PCDHGA8: variants seen among roughly 807,000 people sequenced by gnomAD.
PCDHGA8 encodes the protein protocadherin gamma-A8.
PCDHGA8 carries 45 observed loss-of-function variants against 59.2 expected under a neutral mutation model. That is an observed-to-expected ratio of 0.76 (90% CI 0.60 to 0.98). The LOEUF (loss-of-function observed/expected upper bound fraction) is 0.98, where lower values mean the gene tolerates loss of function less well. PCDHGA8 is among the 50% of genes least tolerant of loss of function. The pLI is 0.00. For synonymous variants in PCDHGA8, 531 were observed against 519.0 expected, an observed-to-expected ratio of 1.02 and a Z score of -0.32; for missense variants, 1,257 against 1,196.2, an observed-to-expected ratio of 1.05 and a Z score of -0.75.
At chr5:141,421,565 A>G (rs1373619696) in intron 1 of PCDHGA8, 1 of 1,613,952 alleles carries the variant, frequency 6.2e-7, no homozygotes, top group Admixed American at 1.7e-5. Context: ...CTCGTGGAAG[A>G]CACCTTGAAG....
intron 1 of PCDHGA8, chr5:141,427,795 C>A: frequency 6.7e-7 from 1 of 1,499,260 alleles, no homozygotes; most frequent in Non-Finnish European, 9.2e-7. Context: ...TCCTACGTGT[C>A]CGTGAGCGCA....
intron 1 of PCDHGA8, chr5:141,428,311 G>A: frequency 3.0e-6 from 2 of 671,726 alleles, no homozygotes; most frequent in Non-Finnish European, 5.3e-6. Context: ...CCTGGTCGTG[G>A]CCTTGGCCTT....
In PCDHGA8 at chr5:141,485,251, C is replaced by T. The variant is rs748522322; in HGVS notation, c.2425-9556C>T. 7 of 1,614,092 alleles carry T rather than the reference C, an allele frequency of 4.3e-6. No individual in the cohort carries two copies. In the South Asian group the frequency reaches 6.6e-5, roughly 15 times the overall value. On this transcript the variant is annotated intron_variant, in intron 1 of 3. Transcript: ENST00000398604. This position sits in a 1 kb window ranked among gnomAD's most constrained non-coding sequence, Gnocchi z 5.7. The stretch of plus-strand genomic sequence containing the variant: ...TGTTCCTCTTTTACCACCTGGGTTA[C>T]GTTTGTGGGCAGATCCGCTACCCGG...
At position 141,476,011 on chromosome 5, in the gene PCDHGA8, A is replaced by C. The variant is rs1415142555; in HGVS notation, c.2425-18796A>C. On this transcript the variant is annotated intron_variant, in intron 1 of 3. Coordinates refer to ENST00000398604, the MANE Select transcript of PCDHGA8 (RefSeq NM_032088.2). This position sits in a 1 kb window ranked among gnomAD's most constrained non-coding sequence, Gnocchi z 7.6. The stretch of plus-strand genomic sequence containing the variant: ...GCAAATCAACGGCATCCAGAAAGCC[A>C]TGTCGGACTCGGCGCCCAGCGCCCA... 2.3e-6 allele frequency: 3 copies of C among 1,311,164 alleles called. No homozygotes were observed. Among genetic ancestry groups the C allele is most frequent in the African/African-American group, 1.5e-5 (1 of 68,020 alleles). 81.2% of individuals were successfully genotyped at this position (1,311,164 alleles called of 1,614,324 possible).
At chr5:141,418,403 G>T in intron 1 of PCDHGA8, 1 of 1,614,000 alleles carries the variant, frequency 6.2e-7, no homozygotes. Context: ...CTCATTGGTG[G>T]AGAAAGACAA....
chr5:141,404,890 A>G (rs745830169), intron 1 of PCDHGA8: 1 of 1,613,870 alleles, frequency 6.2e-7, no homozygotes, highest in Middle Eastern at 1.6e-4. Context: ...TGGTGGCTGT[A>G]CAGGACCATG....
In PCDHGA8 at chr5:141,394,620, T is replaced by C. The variant is rs775736772; in HGVS notation, c.1807T>C (p.Trp603Arg). The C allele has an allele frequency of 8.1e-6, 13 of 1,613,124 alleles. 1 individual carries two copies. In the South Asian group the frequency reaches 1.4e-4, roughly 18 times the overall value. ...AVDRDSGQNA[W>R]LSYRLLKASE... ...GGACAGAGACTCGGGCCAGAACGCC[T>C]GGCTGTCCTACCGCCTGCTCAAGGC... The change falls in exon 1 of 4, where the codon TGG becomes CGG. Residue 603 changes from tryptophan (W) to arginine (R), a missense_variant. Physicochemically the swap from Trp to Arg is moderately radical, Grantham distance 101. Coordinates refer to ENST00000398604, the MANE Select transcript of PCDHGA8 (RefSeq NM_032088.2).
At position 141,512,574 on chromosome 5, in the gene PCDHGA8, C is replaced by T. The variant is rs1429371202; in HGVS notation, c.*1401C>T. 6.5e-6 allele frequency: 1 copy of T among 152,884 alleles called. No homozygotes were observed. Among genetic ancestry groups the T allele is most frequent in the Non-Finnish European group, 1.5e-5 (1 of 68,502 alleles). The allele number at this position is 152,884 out of a possible 1,614,324, so 9.5% of individuals were successfully genotyped here. On this transcript the variant is annotated 3_prime_UTR_variant, in exon 4 of 4. Coordinates refer to ENST00000398604, the MANE Select transcript of PCDHGA8 (RefSeq NM_032088.2). ...GTGCATAGACCTTCTTCTCCCACCCCCTTCTGCCCCTGGGTCCCCGGCCAT... is the reference window on the plus strand; with the variant it reads ...GTGCATAGACCTTCTTCTCCCACCCTCTTCTGCCCCTGGGTCCCCGGCCAT...
intron 1 of PCDHGA8, among the ~76,000 whole-genome samples, chr5:141,446,128 G>A (rs1242643475): frequency 3.3e-5 from 5 of 152,188 alleles, no homozygotes; most frequent in Non-Finnish European, 7.3e-5. Flanking sequence ...GGTTCAATAA[G>A]ACTTAATAAT....
At position 141,487,892 on chromosome 5, in the gene PCDHGA8, T is replaced by C; in HGVS notation, c.2425-6915T>C. The C allele has an allele frequency of 2.7e-6, 2 of 731,410 alleles. No individual in the cohort carries two copies. The highest frequency in any genetic ancestry group is 4.4e-6 in the Non-Finnish European group (2 of 450,094). 45.3% of individuals were successfully genotyped at this position (731,410 alleles called of 1,614,324 possible). On this transcript the variant is annotated intron_variant, in intron 1 of 3. Coordinates refer to ENST00000398604, the MANE Select transcript of PCDHGA8 (RefSeq NM_032088.2). This position sits in a 1 kb window ranked among gnomAD's most constrained non-coding sequence, Gnocchi z 5.0. ...GAGCCAGGCTGTTGTGGAAGCATGA[T>C]GATGGAATGTGGGAGCACAGGAGGC...
At chr5:141,443,317 C>CA (rs35054295) in intron 1 of PCDHGA8, among the ~76,000 whole-genome samples, 76,100 of 141,790 alleles carry the variant, frequency 0.54, 21,234 homozygotes, top group African/African-American at 0.75. Flanking sequence ...CCCATCTCTA[C>CA]AAAAAAAAAA....
chr5:141,497,125 G>A (rs968031174), intron 2 of PCDHGA8, among the ~76,000 whole-genome samples: 1 of 152,094 alleles, frequency 6.6e-6, no homozygotes, highest in South Asian at 2.1e-4. Context: ...GGCAGAGGTT[G>A]CAGTGAGCTG....
At chr5:141,429,801 C>T (rs2097245893) in intron 1 of PCDHGA8, among the ~76,000 whole-genome samples, 1 of 152,104 alleles carries the variant, frequency 6.6e-6, no homozygotes, top group African/African-American at 2.4e-5. Flanking sequence ...CAGTAATTCT[C>T]AGTAATTACA....
Position 141,476,993 on chromosome 5 carries a change from C to A in PCDHGA8, c.2425-17814C>A. 6.2e-7 allele frequency: 1 copy of A among 1,614,244 alleles called. No individual in the cohort carries two copies. Among genetic ancestry groups the A allele is most frequent in the South Asian group, 1.1e-5 (1 of 91,086 alleles). Reference sequence around the variant, plus strand: ...CAGCCACAACCGCGCCGGCGTGCGGCAACTATTCGCCTTAGACCTTGTAAC... The same window carrying A: ...CAGCCACAACCGCGCCGGCGTGCGGAAACTATTCGCCTTAGACCTTGTAAC... On this transcript the variant is annotated intron_variant, in intron 1 of 3. Coordinates refer to ENST00000398604, the MANE Select transcript of PCDHGA8 (RefSeq NM_032088.2). This position sits in a 1 kb window ranked among gnomAD's most constrained non-coding sequence, Gnocchi z 7.6.
intron 1 of PCDHGA8, chr5:141,403,291 A>T: frequency 6.2e-7 from 1 of 1,613,918 alleles, no homozygotes; most frequent in Non-Finnish European, 8.5e-7. Flanking sequence ...TTGAAGACAG[A>T]GTGAAACTGT....
At chr5:141,399,987 A>T in intron 1 of PCDHGA8, 1 of 1,612,224 alleles carries the variant, frequency 6.2e-7, no homozygotes, top group Non-Finnish European at 8.5e-7. Flanking sequence ...TGCGCACAGG[A>T]GAGGTGCGCA....
Position 141,421,845 on chromosome 5 carries a change from G to C in PCDHGA8, c.2424+26608G>C, listed in dbSNP as rs369443134. On this transcript the variant is annotated intron_variant, in intron 1 of 3. Transcript: ENST00000398604. ...AGGGAAGCCTGGACCGAGAGAAAGA[G>C]GCTGCTCACCTGCTCCTCCTCACAG... The C allele has an allele frequency of 1.1e-5, 18 of 1,613,638 alleles. No homozygotes were observed. The African/African-American group carries it at 2.1e-4, about 19-fold the overall frequency.
chr5:141,474,908 T>C (rs1016814167), intron 1 of PCDHGA8, among the ~76,000 whole-genome samples: 7 of 152,242 alleles, frequency 4.6e-5, no homozygotes, highest in African/African-American at 1.4e-4. Flanking sequence ...TGTTCAAGGA[T>C]ATACATCTCA....
chr5:141,395,110 GTCACCTGATCTT>G lies in PCDHGA8; in HGVS notation c.2300_2311del (p.His767_Phe770del). On this transcript the variant is annotated inframe_deletion, in exon 1 of 4. Transcript: ENST00000398604. Reference sequence around the variant, plus strand: ...TCCCTCACCGCCGACTCGCGGAAGAGTCACCTGATCTTTCCCCAGCCCAACTACGCAGACATG... The same window carrying G: ...TCCCTCACCGCCGACTCGCGGAAGAGTCCCCAGCCCAACTACGCAGACATG... 2 of 1,614,214 alleles carry G rather than the reference GTCACCTGATCTT, an allele frequency of 1.2e-6. No homozygotes were observed. Among genetic ancestry groups the G allele is most frequent in the African/African-American group, 1.3e-5 (1 of 75,052 alleles).
Sources: allele counts gnomAD v4.1 joint callset (sites outside exome capture counted in the v4.1 genomes callset), GRCh38; gene constraint gnomAD v4.1.1; non-coding constraint Gnocchi (gnomAD v3.1); transcripts MANE v1.5; gene names NCBI Gene and HGNC (gene_info 2026-07-23, HGNC 2026-07-21).